The following ARHGAP5 variants were observed in gnomAD, a reference collection of about 807,000 sequenced individuals.
ARHGAP5 encodes the protein rho GTPase-activating protein 5.
A neutral mutation model predicts 116.6 loss-of-function variants in ARHGAP5; 23 were observed. The ratio of observed to expected loss-of-function variants is 0.20; its 90% confidence interval spans 0.14 to 0.28. ARHGAP5 has a LOEUF of 0.28. Among genes scored for constraint, ARHGAP5 ranks in the 10% least tolerant of loss-of-function variants. The pLI is 1.00. For synonymous variants in ARHGAP5, 574 were observed against 602.0 expected, an observed-to-expected ratio of 0.95 and a Z score of 0.68; for missense variants, 1,405 against 1,774.8, an observed-to-expected ratio of 0.79 and a Z score of 3.74.
chr14:32,130,114 T>A (rs544988453), intron 3 of ARHGAP5, among the ~76,000 whole-genome samples: 4 of 151,278 alleles, frequency 2.6e-5, no homozygotes, highest in African/African-American at 9.7e-5. Context: ...AAAATATATA[T>A]ATATGACCAC....
At chr14:32,146,385 T>C in intron 4 of ARHGAP5, 45 bp downstream of exon 4, 1 of 1,390,218 alleles carries the variant, frequency 7.2e-7, no homozygotes, top group Admixed American at 1.7e-5. Context: ...TTTTATGTTT[T>C]CCTTGTTAGA....
In ARHGAP5 at chr14:32,090,791, T is replaced by G. The variant is rs759284552; in HGVS notation, c.122T>G (p.Phe41Cys). The G allele has an allele frequency of 2.5e-6, 4 of 1,613,704 alleles. No homozygotes were observed. Among genetic ancestry groups the G allele is most frequent in the Non-Finnish European group, 3.4e-6 (4 of 1,179,636 alleles). ...GGAAAGTCTTGTTTGTGCAATAGATTTGTACGCTCAAAAGCAGATGAATAT... is the reference window on the plus strand; with the variant it reads ...GGAAAGTCTTGTTTGTGCAATAGATGTGTACGCTCAAAAGCAGATGAATAT... ...GVGKSCLCNR[F>C]VRSKADEYYP... is the part of the protein sequence containing the mutation. Residue 41 changes from phenylalanine to cysteine, a missense_variant, in exon 2 of 7, where the codon TTT becomes TGT. Physicochemically the swap from Phe to Cys is radical, Grantham distance 205. Around this residue, in one of 6 missense-constraint regions of ARHGAP5, gnomAD observed 190 missense variants for 314.9 expected, o/e 0.60. Transcript: ENST00000345122.
intron 3 of ARHGAP5, among the ~76,000 whole-genome samples, chr14:32,130,572 G>A (rs769036167): frequency 2.7e-5 from 4 of 149,882 alleles, no homozygotes; most frequent in Non-Finnish European, 4.4e-5. Context: ...ATGGAGTCTC[G>A]CTTTGTCGCC....
chr14:32,147,622 G>A (rs780529125), intron 4 of ARHGAP5, among the ~76,000 whole-genome samples: 2 of 152,158 alleles, frequency 1.3e-5, no homozygotes, highest in Admixed American at 1.3e-4. Context: ...AGCATGCCAA[G>A]ATATACTTAC....
intron 3 of ARHGAP5, among the ~76,000 whole-genome samples, chr14:32,123,210 C>G (rs1879977206): frequency 6.6e-6 from 1 of 151,894 alleles, no homozygotes. Context: ...AAAACGACAT[C>G]TGCTTGAGGT....
intron 2 of ARHGAP5, 76 bp from the exon 3 acceptor site, chr14:32,117,064 C>G: frequency 8.6e-7 from 1 of 1,156,550 alleles, no homozygotes; most frequent in Middle Eastern, 3.2e-4. Context: ...TGATCCGAAC[C>G]GTGTATTTAC....
At chr14:32,138,529 C>G (rs1266065292) in intron 3 of ARHGAP5, among the ~76,000 whole-genome samples, 1 of 152,174 alleles carries the variant, frequency 6.6e-6, no homozygotes, top group African/African-American at 2.4e-5. Context: ...GGTGATCTGC[C>G]CGCCTCAGCC....
At chr14:32,109,216 A>T (rs966074565) in intron 2 of ARHGAP5, among the ~76,000 whole-genome samples, 15 of 151,892 alleles carry the variant, frequency 9.9e-5, no homozygotes, top group African/African-American at 3.6e-4. Flanking sequence ...GTTGTAGTTG[A>T]TCCTGTTACA....
chr14:32,122,019 G>T (rs1879912893), intron 3 of ARHGAP5, among the ~76,000 whole-genome samples: 1 of 152,120 alleles, frequency 6.6e-6, no homozygotes, highest in Admixed American at 6.5e-5. Context: ...TTCAGAGTTT[G>T]TGTGTGGACA....
At chr14:32,077,620 G>T (rs1159462053) in intron 1 of ARHGAP5, among the ~76,000 whole-genome samples, 185 bp downstream of exon 1, 1 of 152,168 alleles carries the variant, frequency 6.6e-6, no homozygotes, top group Non-Finnish European at 1.5e-5. Context: ...GCGGGCAGCA[G>T]CTGCAGCGTT....
chr14:32,133,361 T>C (rs1317764812), intron 3 of ARHGAP5, among the ~76,000 whole-genome samples: 2 of 152,130 alleles, frequency 1.3e-5, no homozygotes, highest in Non-Finnish European at 2.9e-5. Context: ...TGAATGGGAG[T>C]TCACTCATGA....
intron 2 of ARHGAP5, among the ~76,000 whole-genome samples, chr14:32,115,804 T>C (rs1329329594): frequency 1.0e-5 from 1 of 96,880 alleles, no homozygotes; most frequent in East Asian, 2.9e-4. Context: ...ACCCCATCTC[T>C]ACTAAAAATA....
intron 3 of ARHGAP5, among the ~76,000 whole-genome samples, chr14:32,143,407 T>C (rs1324983411): frequency 1.3e-5 from 2 of 152,098 alleles, no homozygotes; most frequent in East Asian, 1.9e-4. Context: ...CACGCCTGGC[T>C]AATTTTTTTT....
At chr14:32,140,531 A>G (rs1881072150) in intron 3 of ARHGAP5, among the ~76,000 whole-genome samples, 1 of 152,172 alleles carries the variant, frequency 6.6e-6, no homozygotes, top group Non-Finnish European at 1.5e-5. Context: ...CGGAGCTTGC[A>G]GTGAGCAGAG....
rs758119465 is a variant in ARHGAP5 at position 32,093,821 on chromosome 14, T to C, written c.3152T>C (p.Val1051Ala). ...KPKPVVPKTN[V>A]KKLDPNLLKT... is the part of the protein sequence containing the mutation. ...AAACCAGTTGTACCTAAGACAAATG[T>C]GAAAAAACTCGATCCAAACCTTTTA... Residue 1051 changes from valine to alanine, a missense_variant, in exon 2 of 7, where the codon GTG (valine) becomes GCG (alanine). Val to Ala is a moderately conservative substitution (Grantham distance 64). Transcript: ENST00000345122. The C allele has an allele frequency of 1.2e-6, 2 of 1,613,318 alleles. No individual in the cohort carries two copies. The highest frequency in any genetic ancestry group is 4.5e-5 in the East Asian group (2 of 44,874).
chr14:32,126,649 T>C (rs1880168985), intron 3 of ARHGAP5, among the ~76,000 whole-genome samples: 1 of 152,238 alleles, frequency 6.6e-6, no homozygotes, highest in Admixed American at 6.5e-5. Flanking sequence ...CTTTCATTCC[T>C]AGTTTGTTGA....
At chr14:32,107,006 A>T (rs1838530440) in intron 2 of ARHGAP5, among the ~76,000 whole-genome samples, 1 of 152,182 alleles carries the variant, frequency 6.6e-6, no homozygotes, top group South Asian at 2.1e-4. Flanking sequence ...TCCAGATTTA[A>T]GTCTTAAATT....
At chr14:32,096,450 T>C (rs1419276109) in intron 2 of ARHGAP5, among the ~76,000 whole-genome samples, 2 of 152,046 alleles carry the variant, frequency 1.3e-5, no homozygotes, top group African/African-American at 4.8e-5. Flanking sequence ...CCTCTGGTAA[T>C]AGTGATGTGA....
At chr14:32,089,362 G>A (rs2041862153) in intron 1 of ARHGAP5, among the ~76,000 whole-genome samples, 1 of 151,606 alleles carries the variant, frequency 6.6e-6, no homozygotes, top group Admixed American at 6.6e-5. Flanking sequence ...ATTTTGTCTG[G>A]ATTGAGGATA....
Sources: allele counts gnomAD v4.1 joint callset (sites outside exome capture counted in the v4.1 genomes callset), GRCh38; gene constraint gnomAD v4.1.1; regional missense constraint gnomAD v4.1.1; transcripts MANE v1.5; gene names NCBI Gene and HGNC (gene_info 2026-07-23, HGNC 2026-07-21).